Variants in SPATA16 observed in about 807,000 individuals in gnomAD.
SPATA16 encodes spermatogenesis associated 16.
SPATA16 carries 36 observed loss-of-function variants against 63.3 expected under a neutral mutation model. The observed-to-expected ratio is 0.57, with a 90% CI of 0.44 to 0.75. SPATA16 has a LOEUF of 0.75. Ranked by LOEUF, SPATA16 falls within the 30% of genes least tolerant of loss-of-function variation. SPATA16 has a pLI of 0.00. For missense variants in SPATA16, 646 were observed against 679.3 expected (o/e 0.95, Z 0.54); for synonymous variants, 203 against 216.7 (o/e 0.94, Z 0.56).
chr3:173,079,869 A>T (rs1197268329), intron 2 of SPATA16, among the ~76,000 whole-genome samples: 2 of 151,660 alleles, frequency 1.3e-5, no homozygotes, highest in Admixed American at 1.3e-4. Context: ...TTTTATTTTT[A>T]AAAATGTGGA....
At chr3:173,070,395 A>T in intron 2 of SPATA16, among the ~76,000 whole-genome samples, 1 of 75,618 alleles carries the variant, frequency 1.3e-5, no homozygotes, top group South Asian at 4.8e-4. Context: ...ACTCTGTCTC[A>T]AAAAAAAAAA....
At chr3:173,095,755 C>T (rs971916673) in intron 2 of SPATA16, among the ~76,000 whole-genome samples, 2 of 152,032 alleles carry the variant, frequency 1.3e-5, no homozygotes, top group African/African-American at 4.8e-5. Context: ...GCACTTTAAA[C>T]AAAATTTAAC....
intron 10 of SPATA16, 110 bp from the exon 11 acceptor site, chr3:172,889,802 G>C: frequency 6.9e-7 from 1 of 1,439,518 alleles, no homozygotes; most frequent in Non-Finnish European, 9.4e-7. Context: ...AATCCATGTT[G>C]GAACAGAACT....
chr3:173,111,519 A>G (rs555406087), intron 2 of SPATA16, among the ~76,000 whole-genome samples: 1 of 152,314 alleles, frequency 6.6e-6, no homozygotes, highest in South Asian at 2.1e-4. Context: ...CAGCTCAGGC[A>G]CTCAGAGAAT....
chr3:173,066,569 C>T (rs1736525982), intron 2 of SPATA16, among the ~76,000 whole-genome samples: 1 of 152,194 alleles, frequency 6.6e-6, no homozygotes, highest in South Asian at 2.1e-4. Context: ...GGGTATTTAA[C>T]TCTGCAAGAG....
intron 5 of SPATA16, among the ~76,000 whole-genome samples, chr3:172,959,635 T>C (rs1481408600): frequency 6.6e-6 from 1 of 151,888 alleles, no homozygotes; most frequent in African/African-American, 2.4e-5. Flanking sequence ...CAACATAGAG[T>C]AGAAATGAGA....
chr3:173,090,981 T>C (rs990586646), intron 2 of SPATA16, among the ~76,000 whole-genome samples: 8 of 152,168 alleles, frequency 5.3e-5, no homozygotes, highest in African/African-American at 1.9e-4. Context: ...GACATCTTAA[T>C]GTTGGTTTCA....
At chr3:173,120,401 T>TA (rs1292917384) in intron 1 of SPATA16, among the ~76,000 whole-genome samples, 1 of 152,160 alleles carries the variant, frequency 6.6e-6, no homozygotes, top group African/African-American at 2.4e-5. Flanking sequence ...GGTTTCTGGT[T>TA]CATTTTAATC....
intron 4 of SPATA16, among the ~76,000 whole-genome samples, chr3:173,017,425 CTTG>C (rs1455066930): frequency 1.3e-5 from 2 of 152,088 alleles, no homozygotes; most frequent in Admixed American, 6.5e-5. Flanking sequence ...TTTTTAAGTT[CTTG>C]TTGTTTGTTT....
intron 2 of SPATA16, among the ~76,000 whole-genome samples, chr3:173,104,770 A>G (rs963747405): frequency 5.3e-5 from 8 of 152,096 alleles, no homozygotes; most frequent in African/African-American, 1.9e-4. Flanking sequence ...CCTTTTAAAC[A>G]TTCTTAGAGA....
intron 2 of SPATA16, among the ~76,000 whole-genome samples, chr3:173,061,136 A>T (rs1298336320): frequency 6.6e-6 from 1 of 152,218 alleles, no homozygotes. Flanking sequence ...ACCTCTTCTT[A>T]TCAACATCAT....
intron 2 of SPATA16, among the ~76,000 whole-genome samples, chr3:173,088,126 C>G (rs1737128693): frequency 7.5e-6 from 1 of 134,210 alleles, no homozygotes; most frequent in Non-Finnish European, 1.5e-5. Flanking sequence ...TGCACTGTTG[C>G]CAGGCTGAAC....
At chr3:173,094,068 C>G (rs900449612) in intron 2 of SPATA16, among the ~76,000 whole-genome samples, 1 of 148,296 alleles carries the variant, frequency 6.7e-6, no homozygotes, top group Non-Finnish European at 1.5e-5. Flanking sequence ...ATCCCTTTAA[C>G]TCTTATTTCA....
intron 4 of SPATA16, among the ~76,000 whole-genome samples, chr3:172,985,828 C>T (rs190766539): frequency 7.2e-5 from 11 of 152,102 alleles, no homozygotes; most frequent in Middle Eastern, 3.4e-3. Context: ...AGGGGGGAAA[C>T]GCTAGAAAAT....
intron 2 of SPATA16, among the ~76,000 whole-genome samples, chr3:173,082,440 C>G (rs960383856): frequency 6.6e-6 from 1 of 152,136 alleles, no homozygotes; most frequent in African/African-American, 2.4e-5. Context: ...TGCCTCCATC[C>G]AGAACTTCAG....
At chr3:173,030,106 C>T (rs1053223427) in intron 3 of SPATA16, among the ~76,000 whole-genome samples, 1 of 148,250 alleles carries the variant, frequency 6.7e-6, no homozygotes, top group Non-Finnish European at 1.5e-5. Context: ...ATCTATCTAC[C>T]CACCCACCTA....
At chr3:172,945,268 A>G (rs1408150175) in intron 6 of SPATA16, among the ~76,000 whole-genome samples, 1 of 152,154 alleles carries the variant, frequency 6.6e-6, no homozygotes, top group African/African-American at 2.4e-5. Context: ...GAAGACAACT[A>G]ATATTCCTTG....
chr3:172,984,831 G>C (rs73175095), intron 4 of SPATA16, among the ~76,000 whole-genome samples: 28 of 152,146 alleles, frequency 1.8e-4, no homozygotes, highest in African/African-American at 6.7e-4. Context: ...AAAAAACAAC[G>C]GTACTACTAC....
rs751905415 is a variant in SPATA16, at chr3:173,117,312, T to A, written c.420A>T (p.Val140=). 70 of 1,614,070 alleles carry A rather than the reference T, an allele frequency of 4.3e-5. No individual in the cohort carries two copies. Among genetic ancestry groups the A allele is most frequent in the Non-Finnish European group, 1.4e-5 (16 of 1,180,018 alleles). The part of the protein sequence containing the change: ...IDEMGVRYEF[V]ESFMSTGSQP... Reference sequence around the variant, plus strand: ...GACTCCCAGTAGACATGAAGGACTCTACAAACTCATAGCGAACACCCATTT... The same window carrying A: ...GACTCCCAGTAGACATGAAGGACTCAACAAACTCATAGCGAACACCCATTT... Residue 140 remains valine (V), a synonymous_variant, in exon 2 of 11, where the codon GTA becomes GTT. Transcript: ENST00000351008.
Sources: gnomAD v4.1 joint callset for allele counts (sites outside exome capture counted in the v4.1 genomes callset) on GRCh38, gnomAD v4.1.1 for gene constraint, MANE v1.5 for transcripts, NCBI Gene and HGNC (gene_info 2026-07-23, HGNC 2026-07-21) for gene names.